NEGR1: variants seen among roughly 807,000 people sequenced by gnomAD.
NEGR1 encodes IgLON family member 4.
In NEGR1, 10 loss-of-function variants were observed where a neutral mutation model predicts 40.9. The observed-to-expected ratio is 0.24, with a 90% confidence interval of 0.15 to 0.42. NEGR1 has a LOEUF of 0.42. NEGR1 is among the 10% of genes least tolerant of loss of function. The pLI, the probability that NEGR1 is intolerant of heterozygous loss-of-function variation, is 1.00. For synonymous variants in NEGR1, 185 were observed against 166.8 expected, an observed-to-expected ratio of 1.11 and a Z score of -0.84; for missense variants, 352 against 438.9, an observed-to-expected ratio of 0.80 and a Z score of 1.77.
At chr1:72,021,011 T>G (rs745469303) in intron 1 of NEGR1, among the ~76,000 whole-genome samples, 3 of 152,188 alleles carry the variant, frequency 2.0e-5, no homozygotes, top group Non-Finnish European at 4.4e-5. Flanking sequence ...ATAACACATT[T>G]TTTCCAAGAA....
In NEGR1 at chr1:71,398,935, T is replaced by A. The variant is rs1646228889; in HGVS notation, c.*8511A>T. The A allele has an allele frequency of 6.6e-6, 1 of 152,334 alleles. No individual in the cohort carries two copies. The allele number at this position is 152,334 out of a possible 1,614,324, so 9.4% of individuals were successfully genotyped here. A position where few individuals can be genotyped will look rare whatever the true frequency, so the allele number is the denominator to read the frequency against. On this transcript the variant is annotated 3_prime_UTR_variant, in exon 7 of 7. Coordinates refer to ENST00000357731, the MANE Select transcript of NEGR1 (RefSeq NM_173808.3). ...TTTATCTGCACAAGCTCTTTTCTCT[T>A]GTCTGCTGCCATATGAGACGTGCCT...
At chr1:71,854,490 A>G (rs1031799990) in intron 2 of NEGR1, among the ~76,000 whole-genome samples, 1 of 152,152 alleles carries the variant, frequency 6.6e-6, no homozygotes, top group East Asian at 1.9e-4. Context: ...ATTGAACTCA[A>G]TACTGTAAAT....
intron 2 of NEGR1, among the ~76,000 whole-genome samples, chr1:71,776,907 A>G (rs1491198): frequency 0.76 from 116,280 of 152,012 alleles, 46,616 homozygotes; most frequent in Non-Finnish European, 0.88. Flanking sequence ...TTTCTTATCA[A>G]TAATGACTGG....
intron 1 of NEGR1, among the ~76,000 whole-genome samples, chr1:72,050,152 T>G (rs1647044991): frequency 6.6e-6 from 1 of 151,572 alleles, no homozygotes; most frequent in Admixed American, 6.6e-5. Flanking sequence ...AAATCATAAT[T>G]TAAAAATTAA....
At chr1:72,177,718 A>C (rs112395520) in intron 1 of NEGR1, among the ~76,000 whole-genome samples, 64 of 152,006 alleles carry the variant, frequency 4.2e-4, no homozygotes, top group African/African-American at 1.4e-3. Flanking sequence ...AAGCCTTCTG[A>C]AAATTTCAAA....
chr1:71,465,974 CATTTTATGTATTCTCTAA>C (rs1263359635), intron 6 of NEGR1, among the ~76,000 whole-genome samples: 5 of 151,874 alleles, frequency 3.3e-5, no homozygotes, highest in Non-Finnish European at 7.4e-5. Flanking sequence ...TAGAGATGAG[CATTTTATGTATTCTCTAA>C]TGGTTAATAG....
chr1:71,982,137 G>C (rs1203058990), intron 1 of NEGR1, among the ~76,000 whole-genome samples: 6 of 152,072 alleles, frequency 3.9e-5, no homozygotes, highest in Non-Finnish European at 1.5e-5. Flanking sequence ...AAATACAATG[G>C]TAAATGAAAA....
chr1:71,449,716 T>C (rs1052824117), intron 6 of NEGR1, among the ~76,000 whole-genome samples: 2 of 152,152 alleles, frequency 1.3e-5, no homozygotes, highest in Admixed American at 1.3e-4. Flanking sequence ...CTTTATTATC[T>C]TCATTTTATA....
rs542000588 is a variant in NEGR1 at position 71,760,882 on chromosome 1, AG to A, written c.535+15289del. Among the ~76,000 whole-genome samples the A allele has an allele frequency of 1.6e-4, 25 of 152,294 alleles. No individual in the cohort carries two copies. The South Asian group carries it at 5.2e-3, about 32-fold the overall frequency. Reference sequence around the variant, plus strand: ...AAGTCTTCCTTTGAATAAAGAGGAAAGGCAATGGAATTGAGAGCACTAATAA... The same window carrying A: ...AAGTCTTCCTTTGAATAAAGAGGAAAGCAATGGAATTGAGAGCACTAATAA... On this transcript the variant is annotated intron_variant, in intron 3 of 6. Coordinates refer to ENST00000357731, the MANE Select transcript of NEGR1 (RefSeq NM_173808.3).
intron 2 of NEGR1, among the ~76,000 whole-genome samples, chr1:71,908,202 G>A (rs1182795385): frequency 7.3e-6 from 1 of 137,168 alleles, no homozygotes; most frequent in Admixed American, 7.2e-5. Flanking sequence ...GAACCACAAC[G>A]AAATGCCACT....
chr1:71,934,600 CA>C (rs1645886537), intron 2 of NEGR1, among the ~76,000 whole-genome samples: 2 of 152,072 alleles, frequency 1.3e-5, no homozygotes, highest in African/African-American at 4.8e-5. Context: ...CTAATATTTT[CA>C]TGTATCTATT....
intron 6 of NEGR1, among the ~76,000 whole-genome samples, chr1:71,540,397 C>G (rs1442889659): frequency 6.6e-6 from 1 of 151,760 alleles, no homozygotes; most frequent in Non-Finnish European, 1.5e-5. Context: ...AAGAGTCGGA[C>G]TGTTTATTTC....
intron 1 of NEGR1, among the ~76,000 whole-genome samples, chr1:72,193,521 A>T (rs1296726025): frequency 6.6e-6 from 1 of 151,864 alleles, no homozygotes; most frequent in African/African-American, 2.4e-5. Context: ...TATCAACACC[A>T]TCACTCCCTT....
intron 3 of NEGR1, among the ~76,000 whole-genome samples, chr1:71,727,415 A>G (rs534816586): frequency 2.0e-5 from 3 of 152,274 alleles, no homozygotes; most frequent in East Asian, 3.9e-4. Context: ...TTGATAAAAG[A>G]TTGCATTAGT....
intron 1 of NEGR1, among the ~76,000 whole-genome samples, chr1:72,007,683 T>A (rs573196307): frequency 2.2e-4 from 33 of 152,324 alleles, no homozygotes; most frequent in South Asian, 6.2e-4. Flanking sequence ...TCATTTACTA[T>A]AATTTCTTCT....
At chr1:72,274,220 C>T (rs948589689) in intron 1 of NEGR1, among the ~76,000 whole-genome samples, 1 of 152,022 alleles carries the variant, frequency 6.6e-6, no homozygotes, top group Admixed American at 6.6e-5. Flanking sequence ...GGTTAAAACA[C>T]CACATACAGG....
At chr1:72,145,524 G>T (rs1650873775) in intron 1 of NEGR1, among the ~76,000 whole-genome samples, 3 of 152,128 alleles carry the variant, frequency 2.0e-5, no homozygotes, top group Admixed American at 2.0e-4. Flanking sequence ...AAGTGAATGT[G>T]CATGCATCTT....
At chr1:71,670,801 C>T (rs905432625) in intron 4 of NEGR1, among the ~76,000 whole-genome samples, 1 of 152,056 alleles carries the variant, frequency 6.6e-6, no homozygotes, top group Non-Finnish European at 1.5e-5. Context: ...AGATATGTCT[C>T]TCTGATCAAA....
intron 2 of NEGR1, among the ~76,000 whole-genome samples, chr1:71,904,283 A>G (rs1036220190): frequency 6.6e-6 from 1 of 152,048 alleles, no homozygotes; most frequent in African/African-American, 2.4e-5. Flanking sequence ...GAGAAGTTAT[A>G]TTGTAAATTA....
Sources: gnomAD v4.1 joint callset for allele counts (sites outside exome capture counted in the v4.1 genomes callset) on GRCh38, gnomAD v4.1.1 for gene constraint, MANE v1.5 for transcripts, NCBI Gene and HGNC (gene_info 2026-07-23, HGNC 2026-07-21) for gene names.